MARCHF11: variants seen among roughly 807,000 people sequenced by gnomAD.
MARCHF11 encodes membrane associated ring-CH-type finger 11, also known as E3 ubiquitin-protein ligase MARCHF11.
In MARCHF11, 29 loss-of-function variants were observed where a neutral mutation model predicts 37.3. That is an observed-to-expected ratio of 0.78 (90% confidence interval 0.58 to 1.06). MARCHF11 has a LOEUF of 1.06. Among genes scored for constraint, MARCHF11 ranks in the 50% least tolerant of loss-of-function variants. The pLI is 0.00. For missense variants in MARCHF11, 482 were observed against 533.4 expected (o/e 0.90, Z 0.95); for synonymous variants, 233 against 228.0 (o/e 1.02, Z -0.20).
intron 2 of MARCHF11, among the ~76,000 whole-genome samples, chr5:16,114,205 C>A (rs1481859063): frequency 6.6e-6 from 1 of 152,184 alleles, no homozygotes; most frequent in Non-Finnish European, 1.5e-5. Flanking sequence ...CATATCTTAG[C>A]TACTGTCAAC....
intron 2 of MARCHF11, among the ~76,000 whole-genome samples, chr5:16,126,713 T>C (rs1737415804): frequency 6.6e-6 from 1 of 152,184 alleles, no homozygotes; most frequent in African/African-American, 2.4e-5. Context: ...AAGTTTCTCA[T>C]GCAATGGGAC....
chr5:16,091,315 T>C (rs1226798591), intron 2 of MARCHF11, among the ~76,000 whole-genome samples: 1 of 152,200 alleles, frequency 6.6e-6, no homozygotes, highest in Non-Finnish European at 1.5e-5. Context: ...AAGTTTAATC[T>C]AGTTTGATTC....
intron 2 of MARCHF11, among the ~76,000 whole-genome samples, chr5:16,092,157 A>G (rs1183298974): frequency 1.3e-5 from 2 of 152,308 alleles, no homozygotes; most frequent in Middle Eastern, 3.4e-3. Flanking sequence ...CCAAATGGCA[A>G]GTTTATGACA....
intron 2 of MARCHF11, among the ~76,000 whole-genome samples, chr5:16,169,479 T>C (rs1188094238): frequency 6.6e-6 from 1 of 152,110 alleles, no homozygotes; most frequent in Non-Finnish European, 1.5e-5. Flanking sequence ...TTTTAGATGG[T>C]AGTTTTCAAA....
intron 2 of MARCHF11, among the ~76,000 whole-genome samples, chr5:16,118,878 G>C (rs1480519158): frequency 6.6e-6 from 1 of 152,180 alleles, no homozygotes; most frequent in African/African-American, 2.4e-5. Context: ...GGTGGAAGGA[G>C]TGAAGTGTGT....
At chr5:16,153,906 C>T (rs184381919) in intron 2 of MARCHF11, among the ~76,000 whole-genome samples, 89 of 151,934 alleles carry the variant, frequency 5.9e-4, no homozygotes, top group African/African-American at 2.0e-3. Context: ...ATGTGCCTTC[C>T]CCTCTTTTTC....
At chr5:16,074,400 G>A (rs918691388) in intron 3 of MARCHF11, among the ~76,000 whole-genome samples, 2 of 152,090 alleles carry the variant, frequency 1.3e-5, no homozygotes, top group African/African-American at 4.8e-5. Flanking sequence ...AAACAACCAA[G>A]ATCAGAGCAG....
At chr5:16,087,872 C>T (rs543147931) in intron 3 of MARCHF11, among the ~76,000 whole-genome samples, 70 of 152,324 alleles carry the variant, frequency 4.6e-4, no homozygotes, top group African/African-American at 1.6e-3. Context: ...CAATCCAACT[C>T]TCCCAAGCAT....
chr5:16,094,181 G>A (rs946412375), intron 2 of MARCHF11, among the ~76,000 whole-genome samples: 4 of 152,092 alleles, frequency 2.6e-5, no homozygotes, highest in Non-Finnish European at 5.9e-5. Context: ...ACCATTATGT[G>A]CAAAAAGGAG....
intron 2 of MARCHF11, among the ~76,000 whole-genome samples, chr5:16,096,027 G>C (rs1736862412): frequency 6.6e-6 from 1 of 152,204 alleles, no homozygotes; most frequent in Non-Finnish European, 1.5e-5. Context: ...CCACCAGTTA[G>C]TCAAGAAGTG....
chr5:16,149,514 C>T (rs1269792366), intron 2 of MARCHF11, among the ~76,000 whole-genome samples: 1 of 152,086 alleles, frequency 6.6e-6, no homozygotes, highest in Non-Finnish European at 1.5e-5. Context: ...CACATATACC[C>T]TAAGACCCAT....
chr5:16,097,985 G>A (rs1736899053), intron 2 of MARCHF11, among the ~76,000 whole-genome samples: 1 of 152,060 alleles, frequency 6.6e-6, no homozygotes, highest in Non-Finnish European at 1.5e-5. Flanking sequence ...AAAAACAACA[G>A]TGCAGCATGA....
At chr5:16,119,010 C>T (rs140488931) in intron 2 of MARCHF11, among the ~76,000 whole-genome samples, 73 of 152,192 alleles carry the variant, frequency 4.8e-4, no homozygotes, top group African/African-American at 1.7e-3. Flanking sequence ...GGCTGAGAGG[C>T]TACATAACTC....
chr5:16,102,949 G>A (rs1736982747), intron 2 of MARCHF11, among the ~76,000 whole-genome samples: 1 of 152,170 alleles, frequency 6.6e-6, no homozygotes, highest in Non-Finnish European at 1.5e-5. Context: ...AAGGGGTCAA[G>A]GGAACTATCT....
At chr5:16,113,457 T>G (rs1379892315) in intron 2 of MARCHF11, among the ~76,000 whole-genome samples, 1 of 152,202 alleles carries the variant, frequency 6.6e-6, no homozygotes. Context: ...TGTTCGACTT[T>G]AAAAACTAGG....
Position 16,067,625 on chromosome 5 carries a change from C to T in MARCHF11, c.1055G>A (p.Arg352Gln), listed in dbSNP as rs149078493. Residue 352 changes from arginine (R) to glutamine (Q), a missense_variant, in exon 4 of 4, where the codon CGG becomes CAG. By Grantham distance (43) the Arg-to-Gln change is conservative. Transcript: ENST00000332432. ...AGTTGGGTGGACCAAGTTTCTGTTC[C>T]GCAGAGCTGTCAATGGCAACCACAA... ...RTLWLPLTAL[R>Q]NRNLVHPTQL... 2.0e-5 allele frequency: 32 copies of T among 1,613,908 alleles called. No homozygotes were observed. Among genetic ancestry groups the T allele is most frequent in the African/African-American group, 1.9e-4 (14 of 75,016 alleles).
At chr5:16,132,979 T>A (rs114841980) in intron 2 of MARCHF11, among the ~76,000 whole-genome samples, 5,417 of 152,296 alleles carry the variant, frequency 0.036, 147 homozygotes, top group Non-Finnish European at 0.053. Context: ...AAGGAAATCT[T>A]CATGTACTTA....
In MARCHF11 at chr5:16,179,441, G is replaced by T. The variant is rs1167882750; in HGVS notation, c.135C>A (p.Ala45=). 3 of 1,114,414 alleles carry T rather than the reference G, an allele frequency of 2.7e-6. No individual in the cohort carries two copies. Among genetic ancestry groups the T allele is most frequent in the Non-Finnish European group, 3.3e-6 (3 of 914,238 alleles). The allele number at this position is 1,114,414 out of a possible 1,614,324, so 69.0% of individuals were successfully genotyped here. A position where few individuals can be genotyped will look rare whatever the true frequency, so the allele number is the denominator to read the frequency against. The stretch of plus-strand genomic sequence containing the variant: ...CGGGCAGCGGCGGCAGGTAGCGCGG[G>T]GCCGCGGGGACCGGGGCCGGCTCTC... ...PPGEPAPVPA[A]PRYLPPLPAS... is the part of the protein sequence containing the mutation. Residue 45 remains alanine, a synonymous_variant, in exon 1 of 4, where the codon GCC becomes GCA. Transcript: ENST00000332432.
At chr5:16,134,977 T>TTCTCTCTC (rs146251875) in intron 2 of MARCHF11, among the ~76,000 whole-genome samples, 37 of 143,032 alleles carry the variant, frequency 2.6e-4, no homozygotes, top group African/African-American at 4.8e-4. Flanking sequence ...TATGAGTGAT[T>TTCTCTCTC]TCTCTCTCTC....
Sources: gnomAD v4.1 joint callset for allele counts (sites outside exome capture counted in the v4.1 genomes callset) on GRCh38, gnomAD v4.1.1 for gene constraint, MANE v1.5 for transcripts, NCBI Gene and HGNC (gene_info 2026-07-23, HGNC 2026-07-21) for gene names.